Variants in OR6C70 observed in about 807,000 individuals in gnomAD.
OR6C70 encodes the protein olfactory receptor 6C70.
For synonymous variants in OR6C70, 157 were observed against 130.8 expected, an observed-to-expected ratio of 1.20 and a Z score of -1.36; for missense variants, 437 against 357.5, an observed-to-expected ratio of 1.22 and a Z score of -1.79.
rs754306504 is a variant in OR6C70 at position 55,469,262 on chromosome 12, G to T, written c.877C>A (p.Gln293Lys). 1 of 1,613,230 alleles carries T rather than the reference G, an allele frequency of 6.2e-7. No homozygotes were observed. The highest frequency in any genetic ancestry group is 1.1e-5 in the South Asian group (1 of 91,030). ...LNPFIYTLRN[Q>K]QVKQAFKAVF... Reference sequence around the variant, plus strand: ...GCTTTGAAGGCTTGTTTAACTTGCTGATTCCTCAGAGTATAAATAAATGGG... The same window carrying T: ...GCTTTGAAGGCTTGTTTAACTTGCTTATTCCTCAGAGTATAAATAAATGGG... The change falls in exon 1 of 1, where the codon CAG becomes AAG. Residue 293 changes from glutamine (Q) to lysine (K), a missense_variant. Gln to Lys is a moderately conservative substitution (Grantham distance 53, BLOSUM62 1). Transcript: ENST00000327335.
rs769198687 is a variant in OR6C70, at chr12:55,469,589, G to T, written c.550C>A (p.Gln184Lys). 6.2e-7 allele frequency: 1 copy of T among 1,613,684 alleles called. No individual in the cohort carries two copies. The highest frequency in any genetic ancestry group is 1.7e-5 in the Admixed American group (1 of 60,018). Reference protein sequence around the residue: ...HFICDISLILQLSCSDTHLLE... With the variant: ...HFICDISLILKLSCSDTHLLE... ...AAATGTGTGTCTGAGCAAGAAAGTTGTAGGATAAGAGAAATGTCACAAATG... is the reference window on the plus strand; with the variant it reads ...AAATGTGTGTCTGAGCAAGAAAGTTTTAGGATAAGAGAAATGTCACAAATG... The change falls in exon 1 of 1, where the codon CAA (glutamine) becomes AAA (lysine). Residue 184 changes from glutamine to lysine, a missense_variant. Physicochemically the swap from Gln to Lys is moderately conservative, Grantham distance 53 (BLOSUM62 1). Coordinates refer to ENST00000327335, the MANE Select transcript of OR6C70 (RefSeq NM_001005499.1).
chr12:55,469,206 G>C lies in OR6C70; in HGVS notation c.933C>G (p.Asp311Glu), dbSNP rs7295538. The C allele has an allele frequency of 3.4e-3, 5,338 of 1,583,030 alleles. 152 individuals are homozygous for C. The African/African-American group carries it at 0.062, about 18-fold the overall frequency. ...ATTATTTCAACAAGTTGTATTACTT[G>C]TCTGAAGCAGAAAATATCTTTCTAA... is the stretch of plus-strand genomic sequence containing the variant. Reference protein sequence around the residue: ...AVFRKIFSASDK With the variant: ...AVFRKIFSASEK The change falls in exon 1 of 1, where the codon GAC becomes GAG. Residue 311 changes from aspartate to glutamate, a missense_variant. Physicochemically the swap from Asp to Glu is conservative, Grantham distance 45. Transcript: ENST00000327335.
rs1259622726 is a variant in OR6C70, at chr12:55,469,500, G to T, written c.639C>A (p.Ile213=). 1.2e-6 allele frequency: 2 copies of T among 1,613,812 alleles called. No homozygotes were observed. The highest frequency in any genetic ancestry group is 8.5e-7 in the Non-Finnish European group (1 of 1,179,920). ...TCTTGATGATGTAAGAGTAAGAAAG[G>T]ATTACTAAAAACAATGTGACAATAA... ...MTLIVTLFLV[I]LSYSYIIKTI... is the part of the protein sequence containing the mutation. The change falls in exon 1 of 1, where the codon ATC becomes ATA. Residue 213 remains isoleucine (I), a synonymous_variant. Coordinates refer to ENST00000327335, the MANE Select transcript of OR6C70 (RefSeq NM_001005499.1).
Position 55,469,833 on chromosome 12 carries a change from G to A in OR6C70, c.306C>T (p.Tyr102=). 6.2e-7 allele frequency: 1 copy of A among 1,614,084 alleles called. No homozygotes were observed. Among genetic ancestry groups the A allele is most frequent in the Admixed American group, 1.7e-5 (1 of 60,008 alleles). ...CNGCISQLFF[Y]IFLGVTEFFL... ...AAAATTCTGTAACCCCCAAGAATAT[G>A]TAAAAAAACAACTGAGATATGCAAC... The change falls in exon 1 of 1, where the codon TAC becomes TAT. Residue 102 remains tyrosine (Y), a synonymous_variant. Transcript: ENST00000327335.
chr12:55,469,901 G>A lies in OR6C70; in HGVS notation c.238C>T (p.Leu80=), dbSNP rs1258984963. The part of the protein sequence containing the change: ...SFTTACIPRF[L]ITIVTREKTI... Reference sequence around the variant, plus strand: ...TTTTCCCTGGTAACAATGGTGATTAGGAATCTGGGAATGCAAGCAGTTGTG... The same window carrying A: ...TTTTCCCTGGTAACAATGGTGATTAAGAATCTGGGAATGCAAGCAGTTGTG... The change falls in exon 1 of 1, where the codon CTA becomes TTA. Residue 80 remains leucine, a synonymous_variant. Transcript: ENST00000327335. 4 of 1,613,786 alleles carry A rather than the reference G, an allele frequency of 2.5e-6. No individual in the cohort carries two copies. Among genetic ancestry groups the A allele is most frequent in the East Asian group, 2.2e-5 (1 of 44,878 alleles).
In OR6C70 at chr12:55,469,614, G is replaced by C. The variant is rs12313730; in HGVS notation, c.525C>G (p.Phe175Leu). The C allele has an allele frequency of 6.2e-7, 1 of 1,613,470 alleles. No individual in the cohort carries two copies. Among genetic ancestry groups the C allele is most frequent in the South Asian group, 1.1e-5 (1 of 91,036 alleles). Residue 175 changes from phenylalanine to leucine, a missense_variant, in exon 1 of 1, where the codon TTC becomes TTG. Phe to Leu is a conservative substitution (Grantham distance 22). Transcript: ENST00000327335. ...GTAGGATAAGAGAAATGTCACAAAT[G>C]AAATGATCAATGATATTTGAAGCAC... ...DFCASNIIDH[F>L]ICDISLILQL...
chr12:55,469,708 A>T lies in OR6C70; in HGVS notation c.431T>A (p.Phe144Tyr). Residue 144 changes from phenylalanine to tyrosine, a missense_variant, in exon 1 of 1, where the codon TTC (phenylalanine) becomes TAC (tyrosine). Coordinates refer to ENST00000327335, the MANE Select transcript of OR6C70 (RefSeq NM_001005499.1). ...MSNKVCYQLV[F>Y]SSWVTGFLII... is the part of the protein sequence containing the mutation. ...CAGGAATCCAGTTACCCAAGAACTG[A>T]ATACAAGCTGGTAGCAAACTTTGTT... 1 of 1,614,064 alleles carries T rather than the reference A, an allele frequency of 6.2e-7. No individual in the cohort carries two copies. Among genetic ancestry groups the T allele is most frequent in the Non-Finnish European group, 8.5e-7 (1 of 1,179,904 alleles).
At position 55,469,296 on chromosome 12, in the gene OR6C70, C is replaced by T. The variant is rs781423925; in HGVS notation, c.843G>A (p.Pro281=). The change falls in exon 1 of 1, where the codon CCG becomes CCA. Residue 281 remains proline (P), a synonymous_variant. Transcript: ENST00000327335. The stretch of plus-strand genomic sequence containing the variant: ...GAGTATAAATAAATGGGTTTAACAA[C>T]GGGGCAACTGAAGTATTGAGCACAG... ...GVTVLNTSVA[P]LLNPFIYTLR... 139 of 1,613,420 alleles carry T rather than the reference C, an allele frequency of 8.6e-5. No homozygotes were observed. The highest frequency in any genetic ancestry group is 5.6e-4 in the South Asian group (51 of 91,066).
In OR6C70 at chr12:55,469,390, T is replaced by C. The variant is rs983481956; in HGVS notation, c.749A>G (p.Tyr250Cys). 5 of 1,613,894 alleles carry C rather than the reference T, an allele frequency of 3.1e-6. No homozygotes were observed. The African/African-American group carries it at 6.7e-5, about 22-fold the overall frequency. The change falls in exon 1 of 1, where the codon TAT becomes TGT. Residue 250 changes from tyrosine to cysteine, a missense_variant. Transcript: ENST00000327335. ...TATGTAGATAAACATACAACTACCA[T>C]AAGTGATGGAGACAACAATCATGTG... Reference protein sequence around the residue: ...SSHMIVVSITYGSCMFIYIKP... With the variant: ...SSHMIVVSITCGSCMFIYIKP...
Position 55,470,021 on chromosome 12 carries a change from T to C in OR6C70, c.118A>G (p.Asn40Asp). The change falls in exon 1 of 1, where the codon AAC (asparagine) becomes GAC (aspartate). Residue 40 changes from asparagine (N) to aspartate (D), a missense_variant. Transcript: ENST00000327335. ...LLNCVLSMIG[N>D]FTIIALILLD... ...AGAATGAGGGCAATGATAGTGAAGT[T>C]CCCTATCATGCTCAACACACAATTT... The C allele has an allele frequency of 6.2e-7, 1 of 1,613,806 alleles. No homozygotes were observed. The highest frequency in any genetic ancestry group is 8.5e-7 in the Non-Finnish European group (1 of 1,179,720).
At position 55,469,679 on chromosome 12, in the gene OR6C70, T is replaced by G. The variant is rs1001447099; in HGVS notation, c.460A>C (p.Ile154Leu). The G allele has an allele frequency of 1.2e-6, 2 of 1,613,682 alleles. No individual in the cohort carries two copies. The highest frequency in any genetic ancestry group is 1.3e-5 in the African/African-American group (1 of 74,892). Reference protein sequence around the residue: ...FSSWVTGFLIIFTPLILGLNL... With the variant: ...FSSWVTGFLILFTPLILGLNL... The stretch of plus-strand genomic sequence containing the variant: ...AGACCTAAAATCAGTGGAGTGAAAA[T>G]GATCAGGAATCCAGTTACCCAAGAA... Residue 154 changes from isoleucine (I) to leucine (L), a missense_variant, in exon 1 of 1, where the codon ATT becomes CTT. Physicochemically the swap from Ile to Leu is conservative, Grantham distance 5 (BLOSUM62 2). Transcript: ENST00000327335.
In OR6C70 at chr12:55,469,759, G is replaced by T; in HGVS notation, c.380C>A (p.Pro127His). The change falls in exon 1 of 1, where the codon CCT (proline) becomes CAT (histidine). Residue 127 changes from proline (P) to histidine (H), a missense_variant. By Grantham distance (77) the Pro-to-His change is moderately conservative (BLOSUM62 -2). Transcript: ENST00000327335. ...SYDRYVAICK[P>H]LRYMSIMSNK... is the part of the protein sequence containing the mutation. ...ACTCATGATGGACATATAACGCAAA[G>T]GTTTGCAGATGGCAACATAGCGATC... The T allele has an allele frequency of 6.2e-7, 1 of 1,614,064 alleles. No homozygotes were observed. The highest frequency in any genetic ancestry group is 8.5e-7 in the Non-Finnish European group (1 of 1,179,970).
rs1423771794 is a variant in OR6C70 at position 55,469,285 on chromosome 12, G to A, written c.854C>T (p.Pro285Leu). 6.2e-7 allele frequency: 1 copy of A among 1,613,574 alleles called. No homozygotes were observed. Among genetic ancestry groups the A allele is most frequent in the South Asian group, 1.1e-5 (1 of 91,062 alleles). The change falls in exon 1 of 1, where the codon CCA becomes CTA. Residue 285 changes from proline to leucine, a missense_variant. Transcript: ENST00000327335. ...CTGATTCCTCAGAGTATAAATAAATGGGTTTAACAACGGGGCAACTGAAGT... is the reference window on the plus strand; with the variant it reads ...CTGATTCCTCAGAGTATAAATAAATAGGTTTAACAACGGGGCAACTGAAGT... ...LNTSVAPLLN[P>L]FIYTLRNQQV...
At position 55,469,393 on chromosome 12, in the gene OR6C70, G is replaced by A. The variant is rs1871891984; in HGVS notation, c.746C>T (p.Thr249Ile). The change falls in exon 1 of 1, where the codon ACT becomes ATT. Residue 249 changes from threonine (T) to isoleucine (I), a missense_variant. Thr to Ile is a moderately conservative substitution (Grantham distance 89). Transcript: ENST00000327335. ...GTAGATAAACATACAACTACCATAA[G>A]TGATGGAGACAACAATCATGTGAGA... ...CSSHMIVVSI[T>I]YGSCMFIYIK... 6.2e-7 allele frequency: 1 copy of A among 1,613,974 alleles called. No individual in the cohort carries two copies. The highest frequency in any genetic ancestry group is 8.5e-7 in the Non-Finnish European group (1 of 1,179,888).
Position 55,469,750 on chromosome 12 carries a change from T to A in OR6C70, c.389A>T (p.Tyr130Phe). 6.2e-7 allele frequency: 1 copy of A among 1,614,056 alleles called. No individual in the cohort carries two copies. The highest frequency in any genetic ancestry group is 8.5e-7 in the Non-Finnish European group (1 of 1,179,956). Residue 130 changes from tyrosine (Y) to phenylalanine (F), a missense_variant, in exon 1 of 1, where the codon TAT becomes TTT. Physicochemically the swap from Tyr to Phe is conservative, Grantham distance 22 (BLOSUM62 3). Transcript: ENST00000327335. The stretch of plus-strand genomic sequence containing the variant: ...AACTTTGTTACTCATGATGGACATA[T>A]AACGCAAAGGTTTGCAGATGGCAAC... ...RYVAICKPLR[Y>F]MSIMSNKVCY...
At position 55,469,408 on chromosome 12, in the gene OR6C70, A is replaced by G; in HGVS notation, c.731T>C (p.Ile244Thr). The G allele has an allele frequency of 1.2e-6, 2 of 1,613,916 alleles. No homozygotes were observed. The highest frequency in any genetic ancestry group is 3.3e-4 in the Middle Eastern group (2 of 6,060). ...KAFSTCSSHMIVVSITYGSCM... is the reference protein window; with the variant it reads ...KAFSTCSSHMTVVSITYGSCM... ...ACTACCATAAGTGATGGAGACAACAATCATGTGAGAAGAGCAGGTGGAAAA... is the reference window on the plus strand; with the variant it reads ...ACTACCATAAGTGATGGAGACAACAGTCATGTGAGAAGAGCAGGTGGAAAA... The change falls in exon 1 of 1, where the codon ATT (isoleucine) becomes ACT (threonine). Residue 244 changes from isoleucine to threonine, a missense_variant. Coordinates refer to ENST00000327335, the MANE Select transcript of OR6C70 (RefSeq NM_001005499.1).
Position 55,469,296 on chromosome 12 carries a change from C to G in OR6C70, c.843G>C (p.Pro281=). Residue 281 remains proline, a synonymous_variant, in exon 1 of 1, where the codon CCG becomes CCC. Coordinates refer to ENST00000327335, the MANE Select transcript of OR6C70 (RefSeq NM_001005499.1). ...GAGTATAAATAAATGGGTTTAACAACGGGGCAACTGAAGTATTGAGCACAG... is the reference window on the plus strand; with the variant it reads ...GAGTATAAATAAATGGGTTTAACAAGGGGGCAACTGAAGTATTGAGCACAG... ...GVTVLNTSVA[P]LLNPFIYTLR... 1.9e-6 allele frequency: 3 copies of G among 1,613,538 alleles called. No individual in the cohort carries two copies. The highest frequency in any genetic ancestry group is 2.7e-5 in the African/African-American group (2 of 74,996).
In OR6C70 at chr12:55,469,984, T is replaced by G; in HGVS notation, c.155A>C (p.Gln52Pro). Residue 52 changes from glutamine (Q) to proline (P), a missense_variant, in exon 1 of 1, where the codon CAG becomes CCG. By Grantham distance (76) the Gln-to-Pro change is moderately conservative. Coordinates refer to ENST00000327335, the MANE Select transcript of OR6C70 (RefSeq NM_001005499.1). ...GAAGAAATACATTGGAGTCTTGAGC[T>G]GGGAATCCAGCAGAATGAGGGCAAT... ...TIIALILLDS[Q>P]LKTPMYFFLR... 6.2e-7 allele frequency: 1 copy of G among 1,614,074 alleles called. No individual in the cohort carries two copies. The highest frequency in any genetic ancestry group is 8.5e-7 in the Non-Finnish European group (1 of 1,179,974).
rs767040515 is a variant in OR6C70, at chr12:55,469,260, C to G, written c.879G>C (p.Gln293His). ...LNPFIYTLRN[Q>H]QVKQAFKAVF... Reference sequence around the variant, plus strand: ...CAGCTTTGAAGGCTTGTTTAACTTGCTGATTCCTCAGAGTATAAATAAATG... The same window carrying G: ...CAGCTTTGAAGGCTTGTTTAACTTGGTGATTCCTCAGAGTATAAATAAATG... The change falls in exon 1 of 1, where the codon CAG (glutamine) becomes CAC (histidine). Residue 293 changes from glutamine to histidine, a missense_variant. Transcript: ENST00000327335. 1.9e-6 allele frequency: 3 copies of G among 1,613,116 alleles called. No homozygotes were observed. The Admixed American group carries it at 5.0e-5, about 27-fold the overall frequency.
Sources: allele counts gnomAD v4.1 joint callset, GRCh38; gene constraint gnomAD v4.1.1; transcripts MANE v1.5; gene names NCBI Gene and HGNC (gene_info 2026-07-23, HGNC 2026-07-21).